Variants in CIITA observed in about 807,000 individuals in gnomAD.
The protein encoded by CIITA is MHC class II transactivator.
In CIITA, 72 loss-of-function variants were observed where a neutral mutation model predicts 115.1. That is an observed-to-expected ratio of 0.63 (90% CI 0.52 to 0.76). The LOEUF (loss-of-function observed/expected upper bound fraction) is 0.76. CIITA is among the 30% of genes least tolerant of loss of function. CIITA has a pLI of 0.00. For synonymous variants in CIITA, 763 were observed against 635.6 expected (o/e 1.20, Z -3.02); for missense variants, 1,617 against 1,463.8 (o/e 1.10, Z -1.71).
chr16:10,871,945 C>A (rs1038921985), intron 1 of CIITA, among the ~76,000 whole-genome samples: 3 of 152,228 alleles, frequency 2.0e-5, no homozygotes, highest in Non-Finnish European at 2.9e-5. Context: ...CTTCTCCAAC[C>A]AGTCACGGTT....
At position 10,907,295 on chromosome 16, in the gene CIITA, G is replaced by A; in HGVS notation, c.1803G>A (p.Arg601=). The part of the protein sequence containing the change: ...QDRALTLLRD[R]PLLLSHSHSP... ...GAGCCCTGACGCTCCTCCGGGACCGGCCACTTCTTCTCAGTCACAGCCACA... is the reference window on the plus strand; with the variant it reads ...GAGCCCTGACGCTCCTCCGGGACCGACCACTTCTTCTCAGTCACAGCCACA... The change falls in exon 11 of 20, where the codon CGG becomes CGA. Residue 601 remains arginine (R), a synonymous_variant. Coordinates refer to ENST00000324288, the MANE Select transcript of CIITA (RefSeq NM_000246.4). The surrounding 1 kb of genome is among the most constrained non-coding windows in gnomAD (Gnocchi z 5.0). 1 of 1,613,556 alleles carries A rather than the reference G, an allele frequency of 6.2e-7. No homozygotes were observed. Among genetic ancestry groups the A allele is most frequent in the South Asian group, 1.1e-5 (1 of 91,080 alleles).
chr16:10,941,772 C>A lies in CIITA; in HGVS notation n.898C>A, dbSNP rs1335556329. 12 of 1,613,362 alleles carry A rather than the reference C, an allele frequency of 7.4e-6. No homozygotes were observed. Among genetic ancestry groups the A allele is most frequent in the Admixed American group, 1.7e-5 (1 of 59,976 alleles). ...GCTCCGAGTCAGCATCGTAAAGGCCCGAGCCGGGGTCGGAGAGCACGCCGA... is the reference window on the plus strand; with the variant it reads ...GCTCCGAGTCAGCATCGTAAAGGCCAGAGCCGGGGTCGGAGAGCACGCCGA... On this transcript the variant is annotated non_coding_transcript_exon_variant, in exon 2 of 2. Coordinates refer to the CIITA transcript ENST00000573379. The surrounding 1 kb of genome is among the most constrained non-coding windows in gnomAD (Gnocchi z 6.4).
At chr16:10,905,693 T>G (rs1370066896) in intron 10 of CIITA, among the ~76,000 whole-genome samples, 1 of 148,458 alleles carries the variant, frequency 6.7e-6, no homozygotes, top group Non-Finnish European at 1.5e-5. Context: ...ACCCAGGAGG[T>G]GGAGGTTGCC....
intron 1 of CIITA, among the ~76,000 whole-genome samples, chr16:10,871,863 G>A (rs1415452494): frequency 6.6e-6 from 1 of 152,164 alleles, no homozygotes; most frequent in Non-Finnish European, 1.5e-5. Flanking sequence ...ACCTGTACCC[G>A]GAAGCTGGCA....
chr16:10,906,456 C>A, intron 10 of CIITA, 43 bp from the exon 11 acceptor site: 1 of 1,606,332 alleles, frequency 6.2e-7, no homozygotes, highest in Non-Finnish European at 8.5e-7. Context: ...CCTGGCCCTG[C>A]CTCTCACATA....
intron 1 of CIITA, among the ~76,000 whole-genome samples, chr16:10,881,563 A>G (rs996104858): frequency 2.6e-5 from 4 of 152,268 alleles, no homozygotes; most frequent in Admixed American, 2.0e-4. Context: ...AGCTGAGATT[A>G]TTTTAGTAAC....
In CIITA at chr16:10,915,563, C is replaced by T. The variant is rs2039895146; in HGVS notation, c.2889-7C>T. On this transcript the variant is annotated splice_region_variant and splice_polypyrimidine_tract_variant and intron_variant, in intron 13 of 19. Coordinates refer to ENST00000324288, the MANE Select transcript of CIITA (RefSeq NM_000246.4). ...TGGAGGTCTTACCCTTGCTCTTTGC[C>T]TCCTAGGCTGGGCCCTGTCTCAGGC... 2 of 1,613,556 alleles carry T rather than the reference C, an allele frequency of 1.2e-6. No individual in the cohort carries two copies. The highest frequency in any genetic ancestry group is 1.7e-6 in the Non-Finnish European group (2 of 1,179,488).
In CIITA at chr16:10,901,450, C is replaced by A. The variant is rs779268248; in HGVS notation, c.437-64C>A. On this transcript the variant is annotated intron_variant, in intron 5 of 19. Coordinates refer to ENST00000324288, the MANE Select transcript of CIITA (RefSeq NM_000246.4). This position sits in a 1 kb window ranked among gnomAD's most constrained non-coding sequence, Gnocchi z 6.8. The stretch of plus-strand genomic sequence containing the variant: ...TAAGGCCGTATAGCCTGCTAGAGTC[C>A]TGAGCCCCTTCTGGCTTGGGACATC... 1 of 1,578,592 alleles carries A rather than the reference C, an allele frequency of 6.3e-7. No homozygotes were observed. Among genetic ancestry groups the A allele is most frequent in the Non-Finnish European group, 8.7e-7 (1 of 1,148,406 alleles).
intron 14 of CIITA, 95 bp downstream of exon 14, chr16:10,915,745 TCCTCCTGCCTCAG>T: frequency 9.1e-7 from 1 of 1,093,794 alleles, no homozygotes; most frequent in Non-Finnish European, 1.4e-6. Context: ...CCTCAAGTAG[TCCTCCTGCCTCAG>T]CCTCCTGAGT....
intron 1 of CIITA, among the ~76,000 whole-genome samples, chr16:10,867,495 G>A (rs1254930059): frequency 6.6e-6 from 1 of 151,918 alleles, no homozygotes; most frequent in Non-Finnish European, 1.5e-5. Flanking sequence ...AAAAGGGAGG[G>A]AGAGGAAGGA....
intron 1 of CIITA, among the ~76,000 whole-genome samples, chr16:10,885,148 T>C (rs771977593): frequency 6.6e-5 from 10 of 152,342 alleles, no homozygotes; most frequent in Non-Finnish European, 1.3e-4. Context: ...CACACACTTA[T>C]ATTGGCTTGG....
rs2038740904 is a variant in CIITA, at chr16:10,901,429, G to T, written c.437-85G>T. 1 of 1,447,476 alleles carries T rather than the reference G, an allele frequency of 6.9e-7. No homozygotes were observed. Among genetic ancestry groups the T allele is most frequent in the South Asian group, 1.2e-5 (1 of 86,564 alleles). The allele number at this position is 1,447,476 out of a possible 1,614,324, so 89.7% of individuals were successfully genotyped here. A position where few individuals can be genotyped will look rare whatever the true frequency, so the allele number is the denominator to read the frequency against. On this transcript the variant is annotated intron_variant, in intron 5 of 19. Coordinates refer to ENST00000324288, the MANE Select transcript of CIITA (RefSeq NM_000246.4). The surrounding 1 kb of genome is among the most constrained non-coding windows in gnomAD (Gnocchi z 6.8). ...ACCACTACCCAGCCTTGAAGTTAAG[G>T]CCGTATAGCCTGCTAGAGTCCTGAG...
chr16:10,902,747 C>A lies in CIITA; in HGVS notation c.718C>A (p.Leu240Ile). ...VPTISTLPHGLWQISEAGTGV... is the reference protein window; with the variant it reads ...VPTISTLPHGIWQISEAGTGV... ...CACCATCTCCACTCTGCCCCATGGG[C>A]TCTGGCAAATCTCTGAGGCTGGAAC... Residue 240 changes from leucine (L) to isoleucine (I), a missense_variant, in exon 8 of 20, where the codon CTC (leucine) becomes ATC (isoleucine). Leu to Ile is a conservative substitution (Grantham distance 5). Transcript: ENST00000324288. 1 of 1,614,232 alleles carries A rather than the reference C, an allele frequency of 6.2e-7. No individual in the cohort carries two copies. The highest frequency in any genetic ancestry group is 8.5e-7 in the Non-Finnish European group (1 of 1,180,038).
Position 10,907,099 on chromosome 16 carries a change from A to C in CIITA, c.1607A>C (p.Lys536Thr). 6.2e-7 allele frequency: 1 copy of C among 1,609,622 alleles called. No individual in the cohort carries two copies. Reference protein sequence around the residue: ...RGLLAGLFQKKLLRGCTLLLT... With the variant: ...RGLLAGLFQKTLLRGCTLLLT... ...CTGCTGGCCGGCCTTTTCCAGAAGA[A>C]GCTGCTCCGAGGTTGCACCCTCCTC... is the stretch of plus-strand genomic sequence containing the variant. The change falls in exon 11 of 20, where the codon AAG becomes ACG. Residue 536 changes from lysine to threonine, a missense_variant. Lys to Thr is a moderately conservative substitution (Grantham distance 78). Transcript: ENST00000324288. This position sits in a 1 kb window ranked among gnomAD's most constrained non-coding sequence, Gnocchi z 5.0.
intron 13 of CIITA, among the ~76,000 whole-genome samples, chr16:10,913,114 G>T (rs2039693292): frequency 6.6e-6 from 1 of 152,160 alleles, no homozygotes; most frequent in Non-Finnish European, 1.5e-5. Flanking sequence ...AACCTCCTAG[G>T]CATGCTTCTG....
At position 10,879,052 on chromosome 16, in the gene CIITA, C is replaced by G; in HGVS notation, c.52+1670C>G. On this transcript the variant is annotated intron_variant, in intron 1 of 19. Transcript: ENST00000324288. The surrounding 1 kb of genome is among the most constrained non-coding windows in gnomAD (Gnocchi z 4.3). ...AGCCCGGGGAACAGCGGTAGGTGAC[C>G]AAAGTCTCCTCTGTAACCCCTAAGG... 4.8e-6 allele frequency: 1 copy of G among 210,522 alleles called. No individual in the cohort carries two copies. Among genetic ancestry groups the G allele is most frequent in the Non-Finnish European group, 9.6e-6 (1 of 103,704 alleles). 13.0% of individuals were successfully genotyped at this position (210,522 alleles called of 1,614,324 possible). A position where few individuals can be genotyped will look rare whatever the true frequency, so the allele number is the denominator to read the frequency against.
chr16:10,874,922 C>G (rs779433526), upstream of CIITA, among the ~76,000 whole-genome samples: 3 of 152,132 alleles, frequency 2.0e-5, no homozygotes, highest in Admixed American at 6.5e-5. Flanking sequence ...GGCGCCTCTC[C>G]CGTGGCACCA....
chr16:10,937,328 A>C (rs2041042840), downstream of CIITA: 1 of 152,364 alleles, frequency 6.6e-6, no homozygotes, highest in Non-Finnish European at 1.5e-5. This position sits in a 1 kb window ranked among gnomAD's most constrained non-coding sequence, Gnocchi z 4.2. Context: ...GGGATCTCCC[A>C]TAACTCAAAT....
intron 16 of CIITA, 100 bp downstream of exon 16, chr16:10,918,626 A>C: frequency 1.0e-6 from 1 of 990,980 alleles, no homozygotes. Context: ...GAGACCCTAG[A>C]AGCAATCACC....
Sources: allele counts gnomAD v4.1 joint callset (sites outside exome capture counted in the v4.1 genomes callset), GRCh38; gene constraint gnomAD v4.1.1; non-coding constraint Gnocchi (gnomAD v3.1); transcripts MANE v1.5; gene names NCBI Gene and HGNC (gene_info 2026-07-23, HGNC 2026-07-21).